Variants in SNTG1 observed in about 807,000 individuals in gnomAD.
The protein encoded by SNTG1 is gamma-1-syntrophin.
A neutral mutation model predicts 74.7 loss-of-function variants in SNTG1; 39 were observed. The observed-to-expected ratio is 0.52, with a 90% CI of 0.40 to 0.68. The LOEUF (loss-of-function observed/expected upper bound fraction) is 0.68. Among genes scored for constraint, SNTG1 ranks in the 30% least tolerant of loss-of-function variants. SNTG1 has a pLI of 0.00. For missense variants in SNTG1, 685 were observed against 609.5 expected, an observed-to-expected ratio of 1.12 and a Z score of -1.30; for synonymous variants, 254 against 217.1, an observed-to-expected ratio of 1.17 and a Z score of -1.49.
At chr8:50,469,200 T>G (rs1489568683) in intron 8 of SNTG1, among the ~76,000 whole-genome samples, 1 of 152,230 alleles carries the variant, frequency 6.6e-6, no homozygotes, top group East Asian at 1.9e-4. Context: ...CTACTATTGT[T>G]TGCCGGATTA....
intron 5 of SNTG1, among the ~76,000 whole-genome samples, chr8:50,439,067 T>C (rs1246363215): frequency 6.6e-6 from 1 of 152,192 alleles, no homozygotes; most frequent in Non-Finnish European, 1.5e-5. Flanking sequence ...TCATATAGGA[T>C]AGACTTAAAG....
chr8:50,155,598 C>T (rs937269115), intron 1 of SNTG1, among the ~76,000 whole-genome samples: 1 of 151,726 alleles, frequency 6.6e-6, no homozygotes, highest in Non-Finnish European at 1.5e-5. Context: ...AAGCTATGCA[C>T]AGGAAACCAC....
intron 2 of SNTG1, among the ~76,000 whole-genome samples, chr8:50,173,755 C>A (rs2082890484): frequency 6.6e-6 from 1 of 152,092 alleles, no homozygotes; most frequent in Admixed American, 6.6e-5. Context: ...GGATGGGTTG[C>A]TAATAGATTG....
chr8:49,963,041 G>A (rs1262412140), intron 1 of SNTG1, among the ~76,000 whole-genome samples: 2 of 152,200 alleles, frequency 1.3e-5, no homozygotes, highest in East Asian at 1.9e-4. Context: ...AGAAGTGACC[G>A]TCTCCTTGCA....
chr8:50,646,766 A>T (rs2095111853), intron 13 of SNTG1, among the ~76,000 whole-genome samples: 1 of 152,164 alleles, frequency 6.6e-6, no homozygotes, highest in African/African-American at 2.4e-5. Context: ...CCAACACCAT[A>T]CTGAAGTAGA....
At chr8:50,595,540 A>ATG (rs908443413) in intron 13 of SNTG1, among the ~76,000 whole-genome samples, 1 of 152,040 alleles carries the variant, frequency 6.6e-6, no homozygotes, top group African/African-American at 2.4e-5. Context: ...AAAGTTGTAT[A>ATG]TGTGTGTGTG....
At chr8:50,736,495 A>G (rs2131641645) in intron 17 of SNTG1, among the ~76,000 whole-genome samples, 1 of 152,210 alleles carries the variant, frequency 6.6e-6, no homozygotes, top group African/African-American at 2.4e-5. Flanking sequence ...TTCACACCCC[A>G]CTGTCAATAT....
chr8:50,308,807 C>A (rs559031428), intron 2 of SNTG1, among the ~76,000 whole-genome samples: 1 of 152,116 alleles, frequency 6.6e-6, no homozygotes, highest in Non-Finnish European at 1.5e-5. Flanking sequence ...AAGTCAGAAA[C>A]GCTATTTAGA....
chr8:50,727,840 T>C (rs2095503836), intron 17 of SNTG1, among the ~76,000 whole-genome samples: 1 of 152,200 alleles, frequency 6.6e-6, no homozygotes, highest in Non-Finnish European at 1.5e-5. Flanking sequence ...AGCATAAACA[T>C]TTAGCAGAGT....
intron 4 of SNTG1, among the ~76,000 whole-genome samples, chr8:50,433,610 C>A (rs140800663): frequency 6.6e-6 from 1 of 151,896 alleles, no homozygotes; most frequent in Non-Finnish European, 1.5e-5. Context: ...CACTCTTTTA[C>A]ATTTTGATTT....
intron 5 of SNTG1, among the ~76,000 whole-genome samples, chr8:50,443,486 A>C (rs1461151143): frequency 6.6e-6 from 1 of 152,114 alleles, no homozygotes; most frequent in Non-Finnish European, 1.5e-5. Context: ...ATTACTCTTA[A>C]TCATCTTCTC....
chr8:50,731,696 G>T (rs943798017), intron 17 of SNTG1, among the ~76,000 whole-genome samples: 1 of 152,066 alleles, frequency 6.6e-6, no homozygotes, highest in African/African-American at 2.4e-5. Flanking sequence ...TAAACTACAT[G>T]CTATCAAAAA....
Position 50,165,601 on chromosome 8 carries a change from T to C in SNTG1, c.-102-6960T>C, listed in dbSNP as rs182132827. On this transcript the variant is annotated intron_variant, in intron 1 of 18. Coordinates refer to ENST00000642720, the MANE Select transcript of SNTG1 (RefSeq NM_018967.5). ...TTCAGCCACGGACACTCATCGACCA[T>C]GTTCTGCATATTATCTGCTTGAAAA... Among the ~76,000 whole-genome samples the C allele has an allele frequency of 6.6e-5, 10 of 152,292 alleles. No individual in the cohort carries two copies. In the South Asian group the frequency reaches 1.7e-3, roughly 25 times the overall value.
intron 1 of SNTG1, among the ~76,000 whole-genome samples, chr8:50,151,468 C>T (rs575048933): frequency 7.2e-5 from 11 of 152,056 alleles, no homozygotes; most frequent in African/African-American, 2.7e-4. Flanking sequence ...AATGTGTTTC[C>T]TCTTGCTTCT....
chr8:50,048,224 G>A (rs544852389), intron 1 of SNTG1, among the ~76,000 whole-genome samples: 125 of 152,238 alleles, frequency 8.2e-4, no homozygotes, highest in Middle Eastern at 3.4e-3. Context: ...AGGGGTTAAA[G>A]TGGGTTTTAA....
At chr8:50,498,906 A>G (rs2093927152) in intron 8 of SNTG1, among the ~76,000 whole-genome samples, 1 of 151,638 alleles carries the variant, frequency 6.6e-6, no homozygotes, top group Non-Finnish European at 1.5e-5. Flanking sequence ...TTTTGTTTGC[A>G]TTTATTTCTG....
intron 1 of SNTG1, among the ~76,000 whole-genome samples, chr8:49,944,729 TA>T (rs201494454): frequency 1.4e-5 from 2 of 142,596 alleles, no homozygotes; most frequent in Non-Finnish European, 3.1e-5. Flanking sequence ...AGTATAATAA[TA>T]AAAAAAATCC....
chr8:50,777,852 G>C (rs576195011), intron 18 of SNTG1, among the ~76,000 whole-genome samples: 113 of 151,418 alleles, frequency 7.5e-4, no homozygotes, highest in Non-Finnish European at 1.3e-3. Flanking sequence ...TCCCTCCCCT[G>C]TCCCCCCACC....
chr8:50,558,337 G>T (rs2094468299), intron 12 of SNTG1, among the ~76,000 whole-genome samples: 1 of 152,214 alleles, frequency 6.6e-6, no homozygotes, highest in African/African-American at 2.4e-5. Flanking sequence ...GCTCGCAGAG[G>T]CCTCTTCCCA....
Sources: allele counts gnomAD v4.1 joint callset (sites outside exome capture counted in the v4.1 genomes callset), GRCh38; gene constraint gnomAD v4.1.1; transcripts MANE v1.5; gene names NCBI Gene and HGNC (gene_info 2026-07-23, HGNC 2026-07-21).